The following MYH9 variants were observed in gnomAD, a reference collection of about 807,000 sequenced individuals.
MYH9 encodes myosin-9.
In MYH9, 29 loss-of-function variants were observed where a neutral mutation model predicts 241.9. The observed-to-expected ratio is 0.12, with a 90% CI of 0.09 to 0.16. The LOEUF (loss-of-function observed/expected upper bound fraction) is 0.16. Ranked by LOEUF, MYH9 falls within the 10% of genes least tolerant of loss-of-function variation. MYH9 has a pLI of 1.00. For synonymous variants in MYH9, 1,047 were observed against 1,062.6 expected, an observed-to-expected ratio of 0.99 and a Z score of 0.29; for missense variants, 1,803 against 2,595.5, an observed-to-expected ratio of 0.69 and a Z score of 6.63.
chr22:36,357,973 G>A (rs1446511354), intron 1 of MYH9, among the ~76,000 whole-genome samples: 3 of 152,178 alleles, frequency 2.0e-5, no homozygotes, highest in Admixed American at 6.5e-5. Flanking sequence ...CTCAGCCTGC[G>A]ACTCATAAGC....
chr22:36,356,313 G>C (rs1410760338), intron 1 of MYH9, among the ~76,000 whole-genome samples: 1 of 152,142 alleles, frequency 6.6e-6, no homozygotes, highest in Non-Finnish European at 1.5e-5. Context: ...AGGCGTGGTG[G>C]CTCATGCCTG....
intron 18 of MYH9, among the ~76,000 whole-genome samples, chr22:36,304,387 CCCA>C (rs1367393760): frequency 2.6e-5 from 4 of 152,346 alleles, no homozygotes; most frequent in African/African-American, 9.6e-5. Flanking sequence ...CTCTTTTCCT[CCCA>C]CCAACTCCCT....
chr22:36,301,579 C>T lies in MYH9; in HGVS notation c.2586G>A (p.Leu862=). The T allele has an allele frequency of 1.2e-6, 2 of 1,614,066 alleles. No individual in the cohort carries two copies. Among genetic ancestry groups the T allele is most frequent in the Admixed American group, 1.7e-5 (1 of 60,028 alleles). ...TCTCCGTGAGCCTGTTCTCCGCAGC[C>T]AGCTGCTTCTCTCTGACCTTCACCA... ...EELVKVREKQ[L]AAENRLTEME... The change falls in exon 21 of 41, where the codon CTG becomes CTA. Residue 862 remains leucine (L), a synonymous_variant. Transcript: ENST00000216181.
Position 36,306,967 on chromosome 22 carries a change from C to A in MYH9, c.1844-360G>T, listed in dbSNP as rs1271607558. Reference sequence around the variant, plus strand: ...GAGAATTCTACTAGCCTGGCTCTAACGAGGGGTGTGAAAACCTGGCTTACG... The same window carrying A: ...GAGAATTCTACTAGCCTGGCTCTAAAGAGGGGTGTGAAAACCTGGCTTACG... On this transcript the variant is annotated intron_variant, in intron 15 of 40. Coordinates refer to ENST00000216181, the MANE Select transcript of MYH9 (RefSeq NM_002473.6). This position sits in a 1 kb window ranked among gnomAD's most constrained non-coding sequence, Gnocchi z 4.1. Among the ~76,000 whole-genome samples, 2 of 151,974 alleles carry A rather than the reference C, an allele frequency of 1.3e-5. No individual in the cohort carries two copies. Among genetic ancestry groups the A allele is most frequent in the African/African-American group, 4.8e-5 (2 of 41,346 alleles).
intron 40 of MYH9, 103 bp downstream of exon 40, chr22:36,283,990 T>A: frequency 1.4e-6 from 2 of 1,419,874 alleles, no homozygotes; most frequent in Admixed American, 1.7e-5. Context: ...GTGCAGTCCT[T>A]TCTTGGTGAC....
At position 36,288,170 on chromosome 22, in the gene MYH9, C is replaced by T; in HGVS notation, c.4932+82G>A. 1 of 1,577,176 alleles carries T rather than the reference C, an allele frequency of 6.3e-7. No homozygotes were observed. Among genetic ancestry groups the T allele is most frequent in the Non-Finnish European group, 8.6e-7 (1 of 1,156,854 alleles). ...GGTGCCACCCTGCCAGGTTCCCGCC[C>T]TGGGCCGAGCCCTGGCACCTTCATA... On this transcript the variant is annotated intron_variant, in intron 34 of 40. Transcript: ENST00000216181. This position sits in a 1 kb window ranked among gnomAD's most constrained non-coding sequence, Gnocchi z 4.8.
intron 34 of MYH9, 80 bp from the exon 35 acceptor site, chr22:36,286,926 A>C (rs539389520): frequency 1.9e-6 from 3 of 1,589,218 alleles, no homozygotes; most frequent in African/African-American, 2.7e-5. Flanking sequence ...CCTCGCCAAC[A>C]GGGCTCATGG....
Position 36,306,083 on chromosome 22 carries a change from C to A in MYH9, c.2038-32G>T, listed in dbSNP as rs2016964873. 1 of 1,611,572 alleles carries A rather than the reference C, an allele frequency of 6.2e-7. No individual in the cohort carries two copies. The highest frequency in any genetic ancestry group is 1.1e-5 in the South Asian group (1 of 91,084). On this transcript the variant is annotated intron_variant, in intron 16 of 40. Coordinates refer to ENST00000216181, the MANE Select transcript of MYH9 (RefSeq NM_002473.6). The surrounding 1 kb of genome is among the most constrained non-coding windows in gnomAD (Gnocchi z 4.1). ...AAGAAAACACATGCATGCGGTCTCA[C>A]TTCCGTGCCTAGAACAGTCGGAGAA...
intron 1 of MYH9, among the ~76,000 whole-genome samples, chr22:36,377,399 G>A (rs1323134381): frequency 2.6e-5 from 4 of 151,942 alleles, no homozygotes; most frequent in South Asian, 4.1e-4. Flanking sequence ...TGCCTCTATC[G>A]CTTTGTAACA....
At chr22:36,341,608 G>T in intron 2 of MYH9, 82 bp from the exon 3 acceptor site, 2 of 1,502,884 alleles carry the variant, frequency 1.3e-6, no homozygotes, top group Non-Finnish European at 1.8e-6. Context: ...AAATATCTGC[G>T]GCTTCAAAGG....
intron 2 of MYH9, among the ~76,000 whole-genome samples, chr22:36,345,733 C>T (rs954904511): frequency 1.4e-4 from 22 of 152,244 alleles, no homozygotes; most frequent in African/African-American, 5.3e-4. Context: ...AGATGAGACA[C>T]AATAGGTCTG....
In MYH9 at chr22:36,361,829, T is replaced by G. The variant is rs560302564; in HGVS notation, c.-19-12574A>C. Among the ~76,000 whole-genome samples the G allele has an allele frequency of 7.2e-5, 11 of 152,328 alleles. No individual in the cohort carries two copies. In the South Asian group the frequency reaches 2.3e-3, roughly 32 times the overall value. On this transcript the variant is annotated intron_variant, in intron 1 of 40. Transcript: ENST00000216181. ...GCTCACGCCTGTAATCCCAACACTT[T>G]GGGAGGACAAGGCAGGTAGATCACG...
rs553320578 is a variant in MYH9, at chr22:36,298,912, C to T, written c.3100+7G>A. On this transcript the variant is annotated splice_region_variant and intron_variant, in intron 24 of 40. Transcript: ENST00000216181. ...TGCCCATCACCTCCTGCTCGTCACC[C>T]CCTCACCTTCCAAGTCAGTGATCAT... is the stretch of plus-strand genomic sequence containing the variant. 4.1e-5 allele frequency: 66 copies of T among 1,613,706 alleles called. No individual in the cohort carries two copies. In the African/African-American group the frequency reaches 8.3e-4, roughly 20 times the overall value.
At chr22:36,317,483 T>C (rs990202462) in intron 11 of MYH9, among the ~76,000 whole-genome samples, 8 of 152,226 alleles carry the variant, frequency 5.3e-5, no homozygotes, top group African/African-American at 7.2e-5. Context: ...ATACGCGATG[T>C]CTTTTGAAAA....
At chr22:36,283,300 G>A (rs1013817024) in intron 40 of MYH9, among the ~76,000 whole-genome samples, 1 of 152,108 alleles carries the variant, frequency 6.6e-6, no homozygotes, top group Admixed American at 6.6e-5. Flanking sequence ...TCTCTGGGAG[G>A]CCGAGGCGGG....
rs79000133 is a variant in MYH9, at chr22:36,325,885, C to T, written c.612+683G>A. Among the ~76,000 whole-genome samples the T allele has an allele frequency of 8.3e-4, 127 of 152,282 alleles. 2 individuals are homozygous for T. In the East Asian group the frequency reaches 0.024, roughly 28 times the overall value. On this transcript the variant is annotated intron_variant, in intron 5 of 40. Coordinates refer to ENST00000216181, the MANE Select transcript of MYH9 (RefSeq NM_002473.6). ...CTCCCAAGACAGTCAGTGAGCTGAG[C>T]CTAAAAGAAGAGTTCTAGCTGCAGA... is the stretch of plus-strand genomic sequence containing the variant.
chr22:36,301,554 T>A lies in MYH9; in HGVS notation c.2611A>T (p.Met871Leu), dbSNP rs1374971545. 6.2e-7 allele frequency: 1 copy of A among 1,613,670 alleles called. No homozygotes were observed. Among genetic ancestry groups the A allele is most frequent in the East Asian group, 2.2e-5 (1 of 44,900 alleles). The change falls in exon 21 of 41, where the codon ATG (methionine) becomes TTG (leucine). Residue 871 changes from methionine to leucine, a missense_variant. Transcript: ENST00000216181. The part of the protein sequence containing the change: ...QLAAENRLTE[M>L]ETLQSQLMAE... Reference sequence around the variant, plus strand: ...CCCACCTGAGACTGCAGCGTCTCCATCTCCGTGAGCCTGTTCTCCGCAGCC... The same window carrying A: ...CCCACCTGAGACTGCAGCGTCTCCAACTCCGTGAGCCTGTTCTCCGCAGCC...
In MYH9 at chr22:36,288,915, G is replaced by C; in HGVS notation, c.4582C>G (p.Arg1528Gly). Reference sequence around the variant, plus strand: ...TCCTCCACCTGCTGCTCTAGGGCCCGCTTGGACTTCTCCAGCTCGTGGACC... The same window carrying C: ...TCCTCCACCTGCTGCTCTAGGGCCCCCTTGGACTTCTCCAGCTCGTGGACC... ...KSVHELEKSK[R>G]ALEQQVEEMK... is the part of the protein sequence containing the mutation. Residue 1528 changes from arginine to glycine, a missense_variant, in exon 33 of 41, where the codon CGG becomes GGG. By Grantham distance (125) the Arg-to-Gly change is moderately radical. Coordinates refer to ENST00000216181, the MANE Select transcript of MYH9 (RefSeq NM_002473.6). The surrounding 1 kb of genome is among the most constrained non-coding windows in gnomAD (Gnocchi z 4.8). The C allele has an allele frequency of 6.2e-7, 1 of 1,613,956 alleles. No individual in the cohort carries two copies. The highest frequency in any genetic ancestry group is 1.1e-5 in the South Asian group (1 of 91,082).
rs1170648888 is a variant in MYH9 at position 36,289,589 on chromosome 22, T to A, written c.4345-292A>T. ...CCTTTATGGCACGCTGCCCCTTCCA[T>A]GAGAGCCCTCCAAACCTGTAAGAGC... On this transcript the variant is annotated intron_variant, in intron 31 of 40. Transcript: ENST00000216181. Among the ~76,000 whole-genome samples the A allele has an allele frequency of 4.6e-5, 7 of 152,336 alleles. 1 individual carries two copies. The highest frequency in any genetic ancestry group is 1.7e-4 in the African/African-American group (7 of 41,590).
Sources: allele counts gnomAD v4.1 joint callset (sites outside exome capture counted in the v4.1 genomes callset), GRCh38; gene constraint gnomAD v4.1.1; non-coding constraint Gnocchi (gnomAD v3.1); transcripts MANE v1.5; gene names NCBI Gene and HGNC (gene_info 2026-07-23, HGNC 2026-07-21).